MAP3K13: variants seen among roughly 807,000 people sequenced by gnomAD.
MAP3K13 encodes leucine zipper-bearing kinase.
MAP3K13 carries 52 observed loss-of-function variants against 104.0 expected under a neutral mutation model. That is an observed-to-expected ratio of 0.50 (90% CI 0.40 to 0.63). The LOEUF is 0.63. Ranked by LOEUF, MAP3K13 falls within the 20% of genes least tolerant of loss-of-function variation. MAP3K13 has a pLI of 0.00. For missense variants in MAP3K13, 914 were observed against 1,218.5 expected, an observed-to-expected ratio of 0.75 and a Z score of 3.72; for synonymous variants, 394 against 442.2, an observed-to-expected ratio of 0.89 and a Z score of 1.37.
intron 10 of MAP3K13, 111 bp from the exon 11 acceptor site, chr3:185,472,864 C>T (rs550871958): frequency 1.0e-6 from 1 of 989,260 alleles, no homozygotes; most frequent in East Asian, 2.4e-5. Flanking sequence ...TTGGATAAAT[C>T]CTGATGACTG....
At chr3:185,338,327 CA>C (rs72043151) in intron 2 of MAP3K13, among the ~76,000 whole-genome samples, 2,434 of 54,752 alleles carry the variant, frequency 0.044, 24 homozygotes, top group African/African-American at 0.12. Flanking sequence ...GAGACTCTCT[CA>C]AAAAAAAAAA....
At chr3:185,440,105 G>T (rs1030704237) in intron 3 of MAP3K13, among the ~76,000 whole-genome samples, 2 of 152,186 alleles carry the variant, frequency 1.3e-5, no homozygotes, top group Non-Finnish European at 2.9e-5. Context: ...GGAAGTACAA[G>T]ATAAGAATGC....
chr3:185,430,556 G>T (rs372369603), intron 2 of MAP3K13, among the ~76,000 whole-genome samples: 8 of 152,100 alleles, frequency 5.3e-5, no homozygotes, highest in Admixed American at 6.5e-5. Context: ...GTGATATTTG[G>T]TTTTCTGTTC....
At chr3:185,361,187 T>C (rs534627411), upstream of MAP3K13, among the ~76,000 whole-genome samples, 2 of 151,206 alleles carry the variant, frequency 1.3e-5, no homozygotes, top group South Asian at 4.2e-4. Flanking sequence ...ATTATATATA[T>C]ATATACACAC....
In MAP3K13 at chr3:185,366,884, G is replaced by A. The variant is rs142241434; in HGVS notation, c.-86+3516G>A. On this transcript the variant is annotated intron_variant, in intron 1 of 13. Transcript: ENST00000265026. Reference sequence around the variant, plus strand: ...AATATTTTCTCTCATTCCATAGGTTGCCTCCACTTTCTTGATAATATTGTT... The same window carrying A: ...AATATTTTCTCTCATTCCATAGGTTACCTCCACTTTCTTGATAATATTGTT... Among the ~76,000 whole-genome samples, 148 of 152,168 alleles carry A rather than the reference G, an allele frequency of 9.7e-4. 2 individuals carry two copies. The highest frequency in any genetic ancestry group is 3.0e-3 in the African/African-American group (123 of 41,518).
intron 10 of MAP3K13, among the ~76,000 whole-genome samples, chr3:185,467,906 C>T (rs1158307332): frequency 6.6e-6 from 1 of 151,946 alleles, no homozygotes; most frequent in African/African-American, 2.4e-5. Context: ...TCTCGGGAGG[C>T]CTCAGGAAAC....
At chr3:185,448,481 C>G (rs867318648) in intron 5 of MAP3K13, among the ~76,000 whole-genome samples, 1 of 152,248 alleles carries the variant, frequency 6.6e-6, no homozygotes, top group South Asian at 2.1e-4. Context: ...GGTTATAAGT[C>G]TTTTCTATTA....
At chr3:185,477,469 T>G in intron 12 of MAP3K13, 73 bp downstream of exon 12, 2 of 1,092,292 alleles carry the variant, frequency 1.8e-6, no homozygotes, top group Non-Finnish European at 2.8e-6. Context: ...CCACACCTGC[T>G]CTTCAACCAC....
chr3:185,476,462 T>A (rs1299871092), intron 11 of MAP3K13: 1 of 152,138 alleles, frequency 6.6e-6, no homozygotes, highest in African/African-American at 2.4e-5. Context: ...TTTGGTACAG[T>A]TCCTTGGACC....
chr3:185,340,946 A>G (rs952333955), intron 2 of MAP3K13, among the ~76,000 whole-genome samples: 27 of 152,126 alleles, frequency 1.8e-4, no homozygotes, highest in Non-Finnish European at 8.8e-5. Context: ...CTATTTCTTC[A>G]TAGCAGTGTG....
chr3:185,488,432 T>G lies in MAP3K13; in HGVS notation c.*5976T>G, dbSNP rs74749929. On this transcript the variant is annotated 3_prime_UTR_variant, in exon 14 of 14. Coordinates refer to ENST00000265026, the MANE Select transcript of MAP3K13 (RefSeq NM_004721.5). ...TGAACTAGGCTAAGCAGAGGACCCT[T>G]GTGGAACCTGGAGCATTTCTCAGGG... 6.6e-6 allele frequency: 1 copy of G among 152,312 alleles called. No individual in the cohort carries two copies. Among genetic ancestry groups the G allele is most frequent in the East Asian group, 1.9e-4 (1 of 5,176 alleles). The allele number at this position is 152,312 out of a possible 1,614,324, so 9.4% of individuals were successfully genotyped here.
intron 8 of MAP3K13, among the ~76,000 whole-genome samples, chr3:185,465,145 T>A (rs1489987361): frequency 6.6e-6 from 1 of 152,134 alleles, no homozygotes; most frequent in African/African-American, 2.4e-5. Context: ...GCCGGGCTAA[T>A]TTTTGTATTT....
At chr3:185,366,770 A>G (rs61334954) in intron 1 of MAP3K13, among the ~76,000 whole-genome samples, 2,564 of 152,320 alleles carry the variant, frequency 0.017, 73 homozygotes, top group African/African-American at 0.056. Flanking sequence ...CATTGTCCAC[A>G]TTAAAAATTA....
At chr3:185,478,212 A>G (rs996582779) in intron 12 of MAP3K13, among the ~76,000 whole-genome samples, 1 of 152,190 alleles carries the variant, frequency 6.6e-6, no homozygotes, top group Non-Finnish European at 1.5e-5. Flanking sequence ...GCTAGGAGTC[A>G]ATAAGGGCCA....
intron 2 of MAP3K13, among the ~76,000 whole-genome samples, chr3:185,341,854 A>G (rs1021663137): frequency 5.9e-5 from 9 of 152,244 alleles, no homozygotes; most frequent in Non-Finnish European, 1.3e-4. Flanking sequence ...CTGTTTTTAC[A>G]TGACAACAAC....
chr3:185,444,545 A>G (rs1461672049), intron 4 of MAP3K13, among the ~76,000 whole-genome samples: 1 of 152,140 alleles, frequency 6.6e-6, no homozygotes, highest in African/African-American at 2.4e-5. Context: ...TAGGAAAAAT[A>G]AACACTGGCT....
upstream of MAP3K13, among the ~76,000 whole-genome samples, chr3:185,358,524 G>A (rs1360616989): frequency 1.3e-5 from 2 of 152,196 alleles, no homozygotes; most frequent in Admixed American, 6.5e-5. Flanking sequence ...GTAGCTTTCT[G>A]ATGATCTCCC....
intron 1 of MAP3K13, among the ~76,000 whole-genome samples, chr3:185,406,721 C>T (rs1713132673): frequency 6.6e-6 from 1 of 152,142 alleles, no homozygotes; most frequent in Non-Finnish European, 1.5e-5. Context: ...ATTTAACAGA[C>T]TATATGTAAG....
rs1213173211 is a variant in MAP3K13, at chr3:185,382,986, T to G, written c.-86+19618T>G. On this transcript the variant is annotated intron_variant, in intron 1 of 13. Transcript: ENST00000265026. ...CTAACTCGTCATCTAGCATTAGGTATATCTCCCAATGCTATCCCTCCCCCC... is the reference window on the plus strand; with the variant it reads ...CTAACTCGTCATCTAGCATTAGGTAGATCTCCCAATGCTATCCCTCCCCCC... 1.7e-4 allele frequency among the ~76,000 whole-genome samples: 26 copies of G among 151,296 alleles called. 1 individual carries two copies. In the East Asian group the frequency reaches 4.1e-3, roughly 24 times the overall value.
Sources: gnomAD v4.1 joint callset for allele counts (sites outside exome capture counted in the v4.1 genomes callset) on GRCh38, gnomAD v4.1.1 for gene constraint, MANE v1.5 for transcripts, NCBI Gene and HGNC (gene_info 2026-07-23, HGNC 2026-07-21) for gene names.